STPG2: variants seen among roughly 807,000 people sequenced by gnomAD.
The protein encoded by STPG2 is sperm-tail PG-rich repeat-containing protein 2.
Under a neutral mutation model 54.2 loss-of-function variants are expected in STPG2, and 56 were observed. That is an observed-to-expected ratio of 1.03 (90% CI 0.83 to 1.29). The LOEUF (loss-of-function observed/expected upper bound fraction) is 1.29. STPG2 is among the 50% of genes most tolerant of loss of function. The pLI is 0.00. For missense variants in STPG2, 596 were observed against 544.9 expected, an observed-to-expected ratio of 1.09 and a Z score of -0.93; for synonymous variants, 200 against 181.8, an observed-to-expected ratio of 1.10 and a Z score of -0.81.
intron 10 of STPG2, among the ~76,000 whole-genome samples, chr4:97,658,536 C>T (rs1722283068): frequency 6.6e-6 from 1 of 152,124 alleles, no homozygotes; most frequent in Non-Finnish European, 1.5e-5. Flanking sequence ...TGTAGAGTGA[C>T]TATCCCAGCT....
At chr4:97,602,418 C>T (rs995189882) in intron 10 of STPG2, among the ~76,000 whole-genome samples, 1 of 151,730 alleles carries the variant, frequency 6.6e-6, no homozygotes, top group Non-Finnish European at 1.5e-5. Flanking sequence ...ACTTATTTTC[C>T]CTTTTTCTTA....
intron 8 of STPG2, among the ~76,000 whole-genome samples, chr4:97,902,722 G>T (rs1731225957): frequency 6.6e-6 from 1 of 152,118 alleles, no homozygotes; most frequent in South Asian, 2.1e-4. Context: ...CAGTCATTAT[G>T]GAAAACAGTA....
intron 9 of STPG2, among the ~76,000 whole-genome samples, chr4:97,756,061 CTTCTCTCTCTCTCT>C (rs1327124082): frequency 2.7e-4 from 41 of 152,140 alleles, no homozygotes; most frequent in African/African-American, 8.9e-4. Context: ...CCCCTCCCTT[CTTCTCTCTCTCTCT>C]TTCTCTCTCT....
intron 4 of STPG2, among the ~76,000 whole-genome samples, chr4:97,465,662 G>A (rs1029671543): frequency 4.6e-5 from 7 of 151,990 alleles, no homozygotes; most frequent in African/African-American, 7.2e-5. Context: ...CATCATATGA[G>A]CATATAACCT....
At chr4:97,746,224 A>C (rs1725417521) in intron 9 of STPG2, among the ~76,000 whole-genome samples, 1 of 151,264 alleles carries the variant, frequency 6.6e-6, no homozygotes, top group South Asian at 2.1e-4. Flanking sequence ...TACACATAAA[A>C]CATATAAATG....
intron 8 of STPG2, among the ~76,000 whole-genome samples, chr4:97,861,067 A>G (rs1319399959): frequency 6.6e-6 from 1 of 152,198 alleles, no homozygotes; most frequent in Non-Finnish European, 1.5e-5. Context: ...CAACCCTCAG[A>G]ATGGCAGAAA....
intron 9 of STPG2, among the ~76,000 whole-genome samples, chr4:97,821,829 T>C (rs975446372): frequency 6.6e-6 from 1 of 152,110 alleles, no homozygotes; most frequent in Non-Finnish European, 1.5e-5. Flanking sequence ...CAGAGTAGTG[T>C]CCCAAGGCTG....
At chr4:97,716,622 T>C (rs1369800793) in intron 9 of STPG2, among the ~76,000 whole-genome samples, 1 of 151,714 alleles carries the variant, frequency 6.6e-6, no homozygotes, top group Non-Finnish European at 1.5e-5. Flanking sequence ...CACCACATGT[T>C]TTCACTCAGA....
chr4:97,982,377 T>TACACACACACAC (rs59489663), intron 5 of STPG2, among the ~76,000 whole-genome samples: 39 of 143,630 alleles, frequency 2.7e-4, no homozygotes, highest in African/African-American at 9.5e-4. Context: ...TCTCTTACTC[T>TACACACACACAC]ACACACACAC....
chr4:97,447,647 G>T (rs1359786763), intron 4 of STPG2, among the ~76,000 whole-genome samples: 1 of 152,224 alleles, frequency 6.6e-6, no homozygotes, highest in Non-Finnish European at 1.5e-5. Flanking sequence ...TACATGTAGT[G>T]TTGGGCCTGA....
chr4:98,033,853 CAT>C (rs1420158903), intron 5 of STPG2, among the ~76,000 whole-genome samples: 2 of 152,152 alleles, frequency 1.3e-5, no homozygotes, highest in African/African-American at 4.8e-5. Flanking sequence ...ACAAAAACCA[CAT>C]GATTATCTCA....
rs1578555957 is a variant in STPG2, at chr4:97,779,077, G to C, written c.1204+61696C>G. Among the ~76,000 whole-genome samples, 3 of 152,306 alleles carry C rather than the reference G, an allele frequency of 2.0e-5. 1 individual carries two copies. Among genetic ancestry groups the C allele is most frequent in the Middle Eastern group, 6.8e-3 (2 of 292 alleles). On this transcript the variant is annotated intron_variant, in intron 9 of 10. Transcript: ENST00000295268. The stretch of plus-strand genomic sequence containing the variant: ...CTCACCAGCAATGGAACAAAGCTGG[G>C]TGGAGAATGGTTTTGATGAGTTGAG...
At chr4:97,483,175 A>G (rs1730267899) in intron 4 of STPG2, among the ~76,000 whole-genome samples, 1 of 151,546 alleles carries the variant, frequency 6.6e-6, no homozygotes, top group African/African-American at 2.4e-5. Context: ...GAAACCAAAA[A>G]CCAAGGTACA....
chr4:97,696,432 C>A (rs562181068), intron 10 of STPG2, among the ~76,000 whole-genome samples: 24 of 152,316 alleles, frequency 1.6e-4, no homozygotes, highest in African/African-American at 5.3e-4. Flanking sequence ...CAGAAGATAG[C>A]ATTGGAAAAA....
chr4:98,016,181 A>G (rs1428614786), intron 5 of STPG2, among the ~76,000 whole-genome samples: 1 of 152,198 alleles, frequency 6.6e-6, no homozygotes, highest in African/African-American at 2.4e-5. Flanking sequence ...CGCTCTGCAC[A>G]TGTATCCCAG....
intron 7 of STPG2, among the ~76,000 whole-genome samples, chr4:97,962,258 T>A (rs1285753434): frequency 6.6e-6 from 1 of 152,034 alleles, no homozygotes; most frequent in Non-Finnish European, 1.5e-5. Flanking sequence ...GGGTGCAGTG[T>A]ATATTGCTGG....
At chr4:98,100,730 C>T (rs1739006561) in intron 5 of STPG2, among the ~76,000 whole-genome samples, 1 of 139,502 alleles carries the variant, frequency 7.2e-6, no homozygotes, top group Non-Finnish European at 1.5e-5. Flanking sequence ...GGCTGGAGTG[C>T]AGTGGTGCAA....
intron 7 of STPG2, among the ~76,000 whole-genome samples, chr4:97,966,876 A>C (rs530723718): frequency 3.4e-4 from 52 of 152,348 alleles, no homozygotes; most frequent in African/African-American, 1.1e-3. Flanking sequence ...CCATGGAAAC[A>C]AATAACCAGT....
At chr4:97,686,168 A>C (rs1723181777) in intron 10 of STPG2, among the ~76,000 whole-genome samples, 1 of 152,014 alleles carries the variant, frequency 6.6e-6, no homozygotes, top group Admixed American at 6.6e-5. Flanking sequence ...GAAAATTATT[A>C]ATGTTGGATT....
Sources: allele counts gnomAD v4.1 joint callset (sites outside exome capture counted in the v4.1 genomes callset), GRCh38; gene constraint gnomAD v4.1.1; transcripts MANE v1.5; gene names NCBI Gene and HGNC (gene_info 2026-07-23, HGNC 2026-07-21).